BICD2: variants seen among roughly 807,000 people sequenced by gnomAD.
BICD2 encodes the protein BICD cargo adaptor 2.
In BICD2, 25 loss-of-function variants were observed where a neutral mutation model predicts 72.9. The observed-to-expected ratio is 0.34, with a 90% CI of 0.25 to 0.48. BICD2 has a LOEUF of 0.48. Among genes scored for constraint, BICD2 ranks in the 20% least tolerant of loss-of-function variants. BICD2 has a pLI of 0.99. For synonymous variants in BICD2, 501 were observed against 516.1 expected (o/e 0.97, Z 0.40); for missense variants, 894 against 1,175.2 (o/e 0.76, Z 3.50).
At chr9:92,733,549 A>G (rs560311689) in intron 1 of BICD2, among the ~76,000 whole-genome samples, 6 of 152,284 alleles carry the variant, frequency 3.9e-5, no homozygotes, top group African/African-American at 1.2e-4. Context: ...TTTTCAACAA[A>G]TGATGCTGGG....
At chr9:92,721,047 A>C (rs942765870) in intron 3 of BICD2, among the ~76,000 whole-genome samples, 2 of 152,236 alleles carry the variant, frequency 1.3e-5, no homozygotes, top group African/African-American at 4.8e-5. Flanking sequence ...AGGGGAGCAC[A>C]AATGTCTGAG....
intron 1 of BICD2, among the ~76,000 whole-genome samples, chr9:92,746,706 G>A (rs181686485): frequency 2.8e-4 from 43 of 152,202 alleles, no homozygotes; most frequent in East Asian, 1.4e-3. Context: ...ACAAGTAACC[G>A]TCGTGATGGC....
chr9:92,715,526 G>A lies in BICD2; in HGVS notation c.2259-63C>T. ...GCCGAGCAGAGGAGGGCAGGGCAGG[G>A]CAGGGCTAAGCTGCACGGCCCTCTG... On this transcript the variant is annotated intron_variant, in intron 6 of 6. Coordinates refer to ENST00000356884, the MANE Select transcript of BICD2 (RefSeq NM_001003800.2). 6 of 1,490,314 alleles carry A rather than the reference G, an allele frequency of 4.0e-6. No individual in the cohort carries two copies. The South Asian group carries it at 7.9e-5, about 20-fold the overall frequency. 92.3% of individuals were successfully genotyped at this position (1,490,314 alleles called of 1,614,324 possible).
chr9:92,734,969 G>C (rs1334391031), intron 1 of BICD2, among the ~76,000 whole-genome samples: 4 of 152,196 alleles, frequency 2.6e-5, no homozygotes, highest in Non-Finnish European at 4.4e-5. Flanking sequence ...ATAAGACTAG[G>C]CTCATCTGGG....
At position 92,719,452 on chromosome 9, in the gene BICD2, C is replaced by T. The variant is rs749831276; in HGVS notation, c.1193G>A (p.Arg398Gln). 1.1e-5 allele frequency: 17 copies of T among 1,614,130 alleles called. No individual in the cohort carries two copies. The highest frequency in any genetic ancestry group is 1.6e-4 in the Middle Eastern group (1 of 6,062). Residue 398 changes from arginine (R) to glutamine (Q), a missense_variant, in exon 5 of 7, where the codon CGG becomes CAG. Around this residue, in one of 5 missense-constraint regions of BICD2, gnomAD observed 371 missense variants for 439.1 expected, o/e 0.84. Transcript: ENST00000356884. ...TRLTENLSALRRLQASKERQT... is the reference protein window; with the variant it reads ...TRLTENLSALQRLQASKERQT... ...CCGCTCCTTGCTGGCCTGCAGGCGCCGCAGGGCACTCAGATTCTCTGTGAG... is the reference window on the plus strand; with the variant it reads ...CCGCTCCTTGCTGGCCTGCAGGCGCTGCAGGGCACTCAGATTCTCTGTGAG...
Position 92,714,383 on chromosome 9 carries a change from A to G in BICD2, c.*771T>C. Reference sequence around the variant, plus strand: ...CCAAGGTCTGGCCAGGCACTTGGAAAGCTTTTCTCATGAAAAATGAAAACC... The same window carrying G: ...CCAAGGTCTGGCCAGGCACTTGGAAGGCTTTTCTCATGAAAAATGAAAACC... On this transcript the variant is annotated 3_prime_UTR_variant, in exon 7 of 7. Coordinates refer to ENST00000356884, the MANE Select transcript of BICD2 (RefSeq NM_001003800.2). The G allele has an allele frequency of 1.0e-6, 1 of 985,494 alleles. No individual in the cohort carries two copies. The highest frequency in any genetic ancestry group is 1.2e-6 in the Non-Finnish European group (1 of 829,950). The allele number at this position is 985,494 out of a possible 1,614,324, so 61.0% of individuals were successfully genotyped here. A position where few individuals can be genotyped will look rare whatever the true frequency, so the allele number is the denominator to read the frequency against.
At chr9:92,726,266 ATGTT>A (rs1331682894) in intron 2 of BICD2, among the ~76,000 whole-genome samples, 1 of 152,116 alleles carries the variant, frequency 6.6e-6, no homozygotes, top group African/African-American at 2.4e-5. Flanking sequence ...CATGCCAAAT[ATGTT>A]TGTTACTGTA....
chr9:92,758,551 C>A (rs1288889253), intron 1 of BICD2, among the ~76,000 whole-genome samples: 60 of 95,672 alleles, frequency 6.3e-4, no homozygotes, highest in South Asian at 8.1e-4. Context: ...GACTCCGTCT[C>A]AAAAAAAAAA....
intron 3 of BICD2, among the ~76,000 whole-genome samples, chr9:92,721,191 G>C (rs1853457987): frequency 6.6e-6 from 1 of 152,176 alleles, no homozygotes; most frequent in African/African-American, 2.4e-5. Flanking sequence ...ATTCTATAAA[G>C]TTATTTAATT....
intron 1 of BICD2, among the ~76,000 whole-genome samples, chr9:92,747,168 C>T (rs554516455): frequency 2.2e-4 from 34 of 152,268 alleles, no homozygotes; most frequent in African/African-American, 8.2e-4. Context: ...CCTGGTGGGT[C>T]CCCAGTAGGC....
At chr9:92,758,371 G>C (rs1353220537) in intron 1 of BICD2, among the ~76,000 whole-genome samples, 2 of 150,664 alleles carry the variant, frequency 1.3e-5, no homozygotes, top group African/African-American at 4.9e-5. Context: ...GGCTAACATG[G>C]AGAAACCTCG....
In BICD2 at chr9:92,720,049, C is replaced by T. The variant is rs1349542619; in HGVS notation, c.1062+251G>A. Among the ~76,000 whole-genome samples, 1 of 152,234 alleles carries T rather than the reference C, an allele frequency of 6.6e-6. No individual in the cohort carries two copies. Among genetic ancestry groups the T allele is most frequent in the Non-Finnish European group, 1.5e-5 (1 of 68,042 alleles). ...GCAGGGATCACATGTGGGCCAGTGT[C>T]TCATCACTTCACCCTGACACCACGT... On this transcript the variant is annotated intron_variant, in intron 4 of 6. Coordinates refer to ENST00000356884, the MANE Select transcript of BICD2 (RefSeq NM_001003800.2). This position sits in a 1 kb window ranked among gnomAD's most constrained non-coding sequence, Gnocchi z 5.4.
chr9:92,755,902 G>A (rs1236342898), intron 1 of BICD2, among the ~76,000 whole-genome samples: 1 of 152,240 alleles, frequency 6.6e-6, no homozygotes, highest in Non-Finnish European at 1.5e-5. Context: ...CCACCTCCAA[G>A]GGCGTCAGGA....
chr9:92,764,748 G>A lies in BICD2; in HGVS notation c.-4C>T, dbSNP rs759948504. ...CCTCCTCCGACGGCGCCGACATGGT[G>A]GCCGAGGGCTGAGCCGGCTCCCACT... On this transcript the variant is annotated 5_prime_UTR_variant, in exon 1 of 7. Coordinates refer to ENST00000356884, the MANE Select transcript of BICD2 (RefSeq NM_001003800.2). The surrounding 1 kb of genome is among the most constrained non-coding windows in gnomAD (Gnocchi z 5.5). The A allele has an allele frequency of 6.4e-7, 1 of 1,558,490 alleles. No homozygotes were observed. Among genetic ancestry groups the A allele is most frequent in the Admixed American group, 1.8e-5 (1 of 55,982 alleles).
At position 92,720,171 on chromosome 9, in the gene BICD2, T is replaced by C. The variant is rs1443451301; in HGVS notation, c.1062+129A>G. The C allele has an allele frequency of 7.2e-6, 7 of 975,036 alleles. No individual in the cohort carries two copies. The African/African-American group carries it at 1.2e-4, about 16-fold the overall frequency. The allele number at this position is 975,036 out of a possible 1,614,324, so 60.4% of individuals were successfully genotyped here. On this transcript the variant is annotated intron_variant, in intron 4 of 6. Coordinates refer to ENST00000356884, the MANE Select transcript of BICD2 (RefSeq NM_001003800.2). This position sits in a 1 kb window ranked among gnomAD's most constrained non-coding sequence, Gnocchi z 5.4. ...CCTGGAGTTCCATTTACCGTAATGA[T>C]GCAGGAGATAAAATCAACGTAAGGA...
Position 92,720,649 on chromosome 9 carries a change from C to T in BICD2, c.713G>A (p.Arg238Gln), listed in dbSNP as rs201389004. The stretch of plus-strand genomic sequence containing the variant: ...GGTCTCCAGCGCCTCCTCCAGCTGC[C>T]GCTCTGAGATCTCCTTGAGGCGGAT... ...DAIRLKEISE[R>Q]QLEEALETLK... The change falls in exon 4 of 7, where the codon CGG (arginine) becomes CAG (glutamine). Residue 238 changes from arginine (R) to glutamine (Q), a missense_variant. By Grantham distance (43) the Arg-to-Gln change is conservative (BLOSUM62 1). Coordinates refer to ENST00000356884, the MANE Select transcript of BICD2 (RefSeq NM_001003800.2). The surrounding 1 kb of genome is among the most constrained non-coding windows in gnomAD (Gnocchi z 5.4). 35 of 1,614,126 alleles carry T rather than the reference C, an allele frequency of 2.2e-5. No homozygotes were observed. Among genetic ancestry groups the T allele is most frequent in the Admixed American group, 2.0e-4 (12 of 59,988 alleles).
Position 92,720,386 on chromosome 9 carries a change from C to G in BICD2, c.976G>C (p.Ala326Pro), listed in dbSNP as rs571839806. 3.7e-6 allele frequency: 6 copies of G among 1,614,044 alleles called. No individual in the cohort carries two copies. Among genetic ancestry groups the G allele is most frequent in the East Asian group, 4.5e-5 (2 of 44,870 alleles). Residue 326 changes from alanine (A) to proline (P), a missense_variant, in exon 4 of 7, where the codon GCA becomes CCA. Ala to Pro is a conservative substitution (Grantham distance 27). Around this residue, in one of 5 missense-constraint regions of BICD2, gnomAD observed 371 missense variants for 439.1 expected, o/e 0.84. Coordinates refer to ENST00000356884, the MANE Select transcript of BICD2 (RefSeq NM_001003800.2). The surrounding 1 kb of genome is among the most constrained non-coding windows in gnomAD (Gnocchi z 5.4). ...GAGACGAGGCTGGGGGAGGGCGGTG[C>G]GAGGCCCTCCTTCTTGGGCGTGGAG... Reference protein sequence around the residue: ...KTSTPKKEGLAPPSPSLVSDL... With the variant: ...KTSTPKKEGLPPPSPSLVSDL...
At chr9:92,742,470 C>T (rs900356048) in intron 1 of BICD2, among the ~76,000 whole-genome samples, 5 of 151,668 alleles carry the variant, frequency 3.3e-5, no homozygotes, top group Non-Finnish European at 7.4e-5. Flanking sequence ...CTGCAAGCTC[C>T]ACCTCCCAGG....
chr9:92,748,218 C>T (rs772857928), intron 1 of BICD2, among the ~76,000 whole-genome samples: 9 of 152,152 alleles, frequency 5.9e-5, no homozygotes, highest in Non-Finnish European at 7.4e-5. Context: ...CCCCTTAGCT[C>T]ATGCACACTC....
Sources: allele counts gnomAD v4.1 joint callset (sites outside exome capture counted in the v4.1 genomes callset), GRCh38; gene constraint gnomAD v4.1.1; regional missense constraint gnomAD v4.1.1; non-coding constraint Gnocchi (gnomAD v3.1); transcripts MANE v1.5; gene names NCBI Gene and HGNC (gene_info 2026-07-23, HGNC 2026-07-21).